HIGD1C: variants seen among roughly 807,000 people sequenced by gnomAD.
HIGD1C encodes the protein HIG1 hypoxia inducible domain family member 1C.
In HIGD1C, 11 loss-of-function variants were observed where a neutral mutation model predicts 13.1. That is an observed-to-expected ratio of 0.84 (90% confidence interval 0.53 to 1.39). The LOEUF is 1.39. Among genes scored for constraint, HIGD1C ranks in the 40% most tolerant of loss-of-function variants. The pLI is 0.00. For missense variants in HIGD1C, 110 were observed against 112.0 expected (o/e 0.98, Z 0.08); for synonymous variants, 36 against 37.7 (o/e 0.95, Z 0.17).
chr12:50,963,686 CTG>C (rs896147664), intron 2 of HIGD1C, among the ~76,000 whole-genome samples: 4 of 152,176 alleles, frequency 2.6e-5, no homozygotes, highest in Non-Finnish European at 4.4e-5. Context: ...AGAAGCAAAA[CTG>C]TACCGCAACA....
chr12:50,965,824 A>G (rs1300505618), intron 2 of HIGD1C, among the ~76,000 whole-genome samples: 1 of 152,134 alleles, frequency 6.6e-6, no homozygotes, highest in African/African-American at 2.4e-5. Flanking sequence ...ACTTACATCT[A>G]TTTTTGTCTG....
chr12:50,944,761 C>T, the HIGD1C span, among the ~76,000 whole-genome samples: 4 of 152,124 alleles, frequency 2.6e-5, no homozygotes, highest in Non-Finnish European at 4.4e-5. Flanking sequence ...GTGGCGCACA[C>T]CTGCAGTCCC....
chr12:50,942,593 G>C, the HIGD1C span, among the ~76,000 whole-genome samples: 1 of 152,148 alleles, frequency 6.6e-6, no homozygotes, highest in African/African-American at 2.4e-5. Context: ...TTGGCTGGGT[G>C]TAGTGGCTCA....
intron 2 of HIGD1C, among the ~76,000 whole-genome samples, chr12:50,963,838 G>C (rs1159263245): frequency 6.6e-6 from 1 of 152,198 alleles, no homozygotes; most frequent in Admixed American, 6.5e-5. Context: ...TACTTCAACT[G>C]ACATAATATA....
upstream of HIGD1C, among the ~76,000 whole-genome samples, chr12:50,953,740 T>C (rs1375741696): frequency 6.6e-6 from 1 of 152,202 alleles, no homozygotes; most frequent in African/African-American, 2.4e-5. Flanking sequence ...TTATGATCTG[T>C]GTTTTTACTC....
chr12:50,968,397 G>T (rs71445771), intron 2 of HIGD1C, among the ~76,000 whole-genome samples: 22,327 of 151,264 alleles, frequency 0.15, 1,867 homozygotes, highest in South Asian at 0.26. Flanking sequence ...TTTTGTGTGT[G>T]TGTGGGGGGA....
At chr12:50,942,865 CTCTT>C in the HIGD1C span, among the ~76,000 whole-genome samples, 2 of 121,674 alleles carry the variant, frequency 1.6e-5, no homozygotes, top group Non-Finnish European at 3.4e-5. Context: ...AGTTTCTCTT[CTCTT>C]TTTTTTTTTT....
At chr12:50,959,896 C>T (rs1418073417) in intron 1 of HIGD1C, among the ~76,000 whole-genome samples, 20 of 151,942 alleles carry the variant, frequency 1.3e-4, no homozygotes, top group Non-Finnish European at 5.9e-5. Flanking sequence ...GTGATCCACC[C>T]GCCTCAACCT....
chr12:50,943,063 A>G, the HIGD1C span, among the ~76,000 whole-genome samples: 1 of 151,316 alleles, frequency 6.6e-6, no homozygotes, highest in African/African-American at 2.4e-5. Context: ...ACGGGGTTTC[A>G]CCATGTTGGC....
At chr12:50,960,520 G>A (rs1359050266) in intron 1 of HIGD1C, among the ~76,000 whole-genome samples, 2 of 152,126 alleles carry the variant, frequency 1.3e-5, no homozygotes, top group Non-Finnish European at 1.5e-5. Context: ...AGAATATTAA[G>A]GGCTCATTTT....
chr12:50,948,458 T>C, the HIGD1C span, among the ~76,000 whole-genome samples: 1 of 152,290 alleles, frequency 6.6e-6, no homozygotes, highest in South Asian at 2.1e-4. Flanking sequence ...CTGGTGGGAA[T>C]GCCAATATAT....
At chr12:50,958,714 GAAT>G (rs1939208909) in intron 1 of HIGD1C, among the ~76,000 whole-genome samples, 1 of 151,818 alleles carries the variant, frequency 6.6e-6, no homozygotes, top group African/African-American at 2.4e-5. Context: ...TAATGGGAAA[GAAT>G]AGAGAACCCA....
chr12:50,970,441 G>A lies in HIGD1C; in HGVS notation c.230-1G>A, dbSNP rs1454632963. On this transcript the variant is annotated splice_acceptor_variant, in intron 2 of 2. Coordinates refer to ENST00000398455, the Ensembl canonical transcript of HIGD1C. LOFTEE classifies it high-confidence loss of function. ...ATTGATATACATCCTTCTTTTTCTA[G>A]GTGTTCTCTATTCTATGTATAAGGA... 4 of 1,444,208 alleles carry A rather than the reference G, an allele frequency of 2.8e-6. No homozygotes were observed. The East Asian group carries it at 9.9e-5, about 36-fold the overall frequency. 89.5% of individuals were successfully genotyped at this position (1,444,208 alleles called of 1,614,324 possible). A position where few individuals can be genotyped will look rare whatever the true frequency, so the allele number is the denominator to read the frequency against.
At chr12:50,937,045 A>T in the HIGD1C span, among the ~76,000 whole-genome samples, 1 of 152,220 alleles carries the variant, frequency 6.6e-6, no homozygotes, top group South Asian at 2.1e-4. Context: ...TTTCTTCTAC[A>T]TGTCAGACAC....
At chr12:50,955,599 A>C (rs1310675682) in intron 1 of HIGD1C, among the ~76,000 whole-genome samples, 2 of 152,220 alleles carry the variant, frequency 1.3e-5, no homozygotes, top group Non-Finnish European at 2.9e-5. Context: ...GTTCCCGTTA[A>C]GTGTTACTCT....
At chr12:50,956,513 T>G (rs1592252013) in intron 1 of HIGD1C, among the ~76,000 whole-genome samples, 1 of 152,214 alleles carries the variant, frequency 6.6e-6, no homozygotes, top group Non-Finnish European at 1.5e-5. Flanking sequence ...TTACAAAACA[T>G]TTTTTGTTGG....
At chr12:50,964,407 T>C (rs1254477632) in intron 2 of HIGD1C, among the ~76,000 whole-genome samples, 2 of 152,240 alleles carry the variant, frequency 1.3e-5, no homozygotes. Context: ...CTGTGTTGGA[T>C]TTAGTTTTCC....
the HIGD1C span, among the ~76,000 whole-genome samples, chr12:50,944,458 T>C: frequency 0.014 from 2,081 of 152,134 alleles, 52 homozygotes; most frequent in African/African-American, 0.046. Context: ...GAGTTCAAGA[T>C]CAGCCTAGGC....
upstream of HIGD1C, among the ~76,000 whole-genome samples, chr12:50,950,512 G>A (rs1032656502): frequency 6.6e-6 from 1 of 151,896 alleles, no homozygotes; most frequent in Non-Finnish European, 1.5e-5. Flanking sequence ...ATAAATGGTT[G>A]TTTGTTTTTG....
Sources: gnomAD v4.1 joint callset for allele counts (sites outside exome capture counted in the v4.1 genomes callset) on GRCh38, gnomAD v4.1.1 for gene constraint, MANE v1.5 for transcripts, NCBI Gene and HGNC (gene_info 2026-07-23, HGNC 2026-07-21) for gene names.